KIF16B: variants seen among roughly 807,000 people sequenced by gnomAD.
KIF16B encodes kinesin family member 16B.
Under a neutral mutation model 156.3 loss-of-function variants are expected in KIF16B, and 98 were observed. That is an observed-to-expected ratio of 0.63 (90% CI 0.53 to 0.74). The LOEUF (loss-of-function observed/expected upper bound fraction) is 0.74, where lower values mean the gene tolerates loss of function less well. KIF16B is among the 30% of genes least tolerant of loss of function. The pLI is 0.00. For synonymous variants in KIF16B, 564 were observed against 583.7 expected, an observed-to-expected ratio of 0.97 and a Z score of 0.49; for missense variants, 1,421 against 1,606.5, an observed-to-expected ratio of 0.88 and a Z score of 1.97.
At chr20:16,354,624 C>T (rs78409669) in intron 23 of KIF16B, among the ~76,000 whole-genome samples, 2,126 of 152,174 alleles carry the variant, frequency 0.014, 52 homozygotes, top group African/African-American at 0.048. Context: ...TAAATAAGAA[C>T]CCACATAATT....
intron 25 of KIF16B, among the ~76,000 whole-genome samples, chr20:16,283,040 G>A (rs2063169923): frequency 1.3e-5 from 2 of 152,278 alleles, no homozygotes; most frequent in South Asian, 4.1e-4. Context: ...TGTGTTCATT[G>A]CAGCAAGTTT....
intron 16 of KIF16B, among the ~76,000 whole-genome samples, chr20:16,405,885 A>G (rs917449320): frequency 2.6e-5 from 4 of 151,984 alleles, no homozygotes; most frequent in Admixed American, 2.6e-4. Context: ...CTCCTTCCCC[A>G]TCAGCACTTA....
intron 12 of KIF16B, among the ~76,000 whole-genome samples, chr20:16,437,538 C>A (rs925947920): frequency 6.6e-6 from 1 of 152,092 alleles, no homozygotes; most frequent in Non-Finnish European, 1.5e-5. Context: ...TTGAGAGTCA[C>A]GGGACAGGTA....
Position 16,428,841 on chromosome 20 carries a change from A to C in KIF16B, c.1474+112T>G. On this transcript the variant is annotated intron_variant, in intron 14 of 25. Transcript: ENST00000354981. ...TACATACTGACCAACACTGTACTTG[A>C]AAAATAATTTAATTTTCTATAATTA... 4.5e-6 allele frequency: 4 copies of C among 896,666 alleles called. No individual in the cohort carries two copies. In the South Asian group the frequency reaches 5.7e-5, roughly 13 times the overall value. 55.5% of individuals were successfully genotyped at this position (896,666 alleles called of 1,614,324 possible).
intron 15 of KIF16B, among the ~76,000 whole-genome samples, chr20:16,408,706 C>T (rs1401067755): frequency 6.6e-6 from 1 of 152,048 alleles, no homozygotes; most frequent in African/African-American, 2.4e-5. Context: ...GCATGAAATA[C>T]ACACAAAAAG....
At position 16,406,359 on chromosome 20, in the gene KIF16B, C is replaced by T. The variant is rs762157312; in HGVS notation, c.1695+15G>A. 3.1e-5 allele frequency: 50 copies of T among 1,610,340 alleles called. No homozygotes were observed. The highest frequency in any genetic ancestry group is 1.6e-4 in the South Asian group (15 of 90,932). On this transcript the variant is annotated intron_variant, in intron 16 of 25. Coordinates refer to ENST00000354981, the MANE Select transcript of KIF16B (RefSeq NM_024704.5). ...ACGATCAGTGGTTCCCTCCTAGAGACGCCGTGTCCCTCACCTTCCTCTTCT... is the reference window on the plus strand; with the variant it reads ...ACGATCAGTGGTTCCCTCCTAGAGATGCCGTGTCCCTCACCTTCCTCTTCT...
intron 17 of KIF16B, among the ~76,000 whole-genome samples, chr20:16,390,933 C>A (rs1301189334): frequency 6.6e-6 from 1 of 152,078 alleles, no homozygotes; most frequent in Non-Finnish European, 1.5e-5. Flanking sequence ...GCTCATATAT[C>A]GATCACACAG....
At chr20:16,512,317 A>G (rs1361123362) in intron 5 of KIF16B, among the ~76,000 whole-genome samples, 1 of 152,204 alleles carries the variant, frequency 6.6e-6, no homozygotes, top group Non-Finnish European at 1.5e-5. Flanking sequence ...CTTGTCCAAG[A>G]CCACAAAGCA....
At chr20:16,290,307 C>T (rs184448638) in intron 25 of KIF16B, among the ~76,000 whole-genome samples, 208 of 152,336 alleles carry the variant, frequency 1.4e-3, no homozygotes, top group African/African-American at 4.9e-3. Context: ...TTCAGGGGAA[C>T]TCCACAACTG....
chr20:16,424,499 G>A (rs2066305842), intron 15 of KIF16B, among the ~76,000 whole-genome samples: 1 of 152,038 alleles, frequency 6.6e-6, no homozygotes, highest in Non-Finnish European at 1.5e-5. Context: ...CAATTCCTAT[G>A]TCACAACAGA....
chr20:16,315,098 G>A lies in KIF16B; in HGVS notation c.3712-2680C>T, dbSNP rs535017927. Among the ~76,000 whole-genome samples, 9 of 152,172 alleles carry A rather than the reference G, an allele frequency of 5.9e-5. No homozygotes were observed. In the South Asian group the frequency reaches 8.3e-4, roughly 14 times the overall value. On this transcript the variant is annotated intron_variant, in intron 24 of 25. Transcript: ENST00000354981. ...ACACTCACATGCTCAATCAGAAGTC[G>A]TGCAATAAAAGGACTTTAGGCAGTG...
At chr20:16,490,188 T>A (rs988057984) in intron 12 of KIF16B, among the ~76,000 whole-genome samples, 2 of 152,106 alleles carry the variant, frequency 1.3e-5, no homozygotes, top group Admixed American at 6.6e-5. Flanking sequence ...TTCATTAAGT[T>A]AAAATTAATT....
chr20:16,455,608 T>C (rs1296317347), intron 12 of KIF16B, among the ~76,000 whole-genome samples: 1 of 152,188 alleles, frequency 6.6e-6, no homozygotes, highest in African/African-American at 2.4e-5. Context: ...AAAGTGACAA[T>C]GTATACTCTT....
At position 16,447,923 on chromosome 20, in the gene KIF16B, C is replaced by A. The variant is rs79893026; in HGVS notation, c.1303-17941G>T. On this transcript the variant is annotated intron_variant, in intron 12 of 25. Transcript: ENST00000354981. ...AAGCTTGAGTCTAGCCTGGGCAACA[C>A]AGCAAACATAACAAGACTCTGTCTC... Among the ~76,000 whole-genome samples, 617 of 152,234 alleles carry A rather than the reference C, an allele frequency of 4.1e-3. 3 individuals carry two copies. Among genetic ancestry groups the A allele is most frequent in the African/African-American group, 0.014 (579 of 41,556 alleles).
intron 22 of KIF16B, among the ~76,000 whole-genome samples, chr20:16,356,769 T>TA (rs1337527550): frequency 8.5e-5 from 13 of 152,124 alleles, no homozygotes; most frequent in East Asian, 1.9e-4. Context: ...CCTGACTTCT[T>TA]AAAAAAAATC....
chr20:16,361,278 C>T (rs1264102711), intron 22 of KIF16B, among the ~76,000 whole-genome samples: 7 of 152,028 alleles, frequency 4.6e-5, no homozygotes, highest in Admixed American at 2.0e-4. Flanking sequence ...GGGAAAGAGA[C>T]GACGAAGATT....
At chr20:16,489,696 CAAA>C (rs36070522) in intron 12 of KIF16B, among the ~76,000 whole-genome samples, 1 of 125,632 alleles carries the variant, frequency 8.0e-6, no homozygotes, top group Non-Finnish European at 1.8e-5. Flanking sequence ...AATCCTGTCT[CAAA>C]AAAAAAAAAA....
chr20:16,374,281 T>G lies in KIF16B; in HGVS notation c.3326A>C (p.His1109Pro), dbSNP rs745627464. ...CCTGGCATCCATGAGGGGAACCAGGTGTGATTTTTCAGCACTGACTGGCAA... is the reference window on the plus strand; with the variant it reads ...CCTGGCATCCATGAGGGGAACCAGGGGTGATTTTTCAGCACTGACTGGCAA... ...SSLPVSAEKS[H>P]LVPLMDARIN... Residue 1109 changes from histidine (H) to proline (P), a missense_variant, in exon 20 of 26, where the codon CAC becomes CCC. Physicochemically the swap from His to Pro is moderately conservative, Grantham distance 77. Transcript: ENST00000354981. The G allele has an allele frequency of 6.3e-7, 1 of 1,596,104 alleles. No homozygotes were observed.
At chr20:16,393,902 T>G (rs1445449160) in intron 17 of KIF16B, among the ~76,000 whole-genome samples, 3 of 152,100 alleles carry the variant, frequency 2.0e-5, no homozygotes, top group Admixed American at 2.0e-4. Context: ...AAGGAGAGAA[T>G]AGCATATGCA....
Sources: allele counts gnomAD v4.1 joint callset (sites outside exome capture counted in the v4.1 genomes callset), GRCh38; gene constraint gnomAD v4.1.1; transcripts MANE v1.5; gene names NCBI Gene and HGNC (gene_info 2026-07-23, HGNC 2026-07-21).